The following PCDHA5 variants were observed in gnomAD, a reference collection of about 807,000 sequenced individuals.
PCDHA5 encodes protocadherin alpha-5.
PCDHA5 carries 43 observed loss-of-function variants against 61.6 expected under a neutral mutation model. The observed-to-expected ratio is 0.70, with a 90% CI of 0.55 to 0.90. The LOEUF is 0.90. PCDHA5 is among the 40% of genes least tolerant of loss of function. The pLI is 0.00. For missense variants in PCDHA5, 1,298 were observed against 1,222.7 expected (o/e 1.06, Z -0.92); for synonymous variants, 627 against 543.9 (o/e 1.15, Z -2.13).
chr5:140,879,100 T>C (rs2057854721), intron 1 of PCDHA5, among the ~76,000 whole-genome samples: 1 of 152,190 alleles, frequency 6.6e-6, no homozygotes, highest in African/African-American at 2.4e-5. Context: ...CTGCACAGTA[T>C]ATGGTGTAAT....
At chr5:140,848,935 C>G (rs1363080082) in intron 1 of PCDHA5, 1 of 1,607,474 alleles carries the variant, frequency 6.2e-7, no homozygotes, top group Non-Finnish European at 8.5e-7. Context: ...GAATCCAGGC[C>G]GCTTGACTCT....
rs140356413 is a variant in PCDHA5, at chr5:140,945,687, T to C, written c.2353-33262T>C. On this transcript the variant is annotated intron_variant, in intron 1 of 3. Transcript: ENST00000529859. ...CCCAGAAATAAATCCACACAGTTAC[T>C]GTCCACTGATTTGCAACAAAAGTAT... 6.6e-3 allele frequency among the ~76,000 whole-genome samples: 1,005 copies of C among 152,204 alleles called. 10 individuals carry two copies. The highest frequency in any genetic ancestry group is 0.023 in the African/African-American group (952 of 41,538).
intron 1 of PCDHA5, chr5:140,926,980 A>C: frequency 3.1e-6 from 5 of 1,610,364 alleles, no homozygotes; most frequent in Non-Finnish European, 4.2e-6. Flanking sequence ...GCCGGAGGAG[A>C]CGGAGCGGGG....
At chr5:140,896,071 A>G (rs551803461) in intron 1 of PCDHA5, among the ~76,000 whole-genome samples, 1 of 152,248 alleles carries the variant, frequency 6.6e-6, no homozygotes, top group African/African-American at 2.4e-5. Context: ...TCGGCCTCCC[A>G]ACATGCTGGG....
At chr5:140,882,633 A>G in intron 1 of PCDHA5, 1 of 1,614,220 alleles carries the variant, frequency 6.2e-7, no homozygotes, top group Non-Finnish European at 8.5e-7. Context: ...GTGGAGGTGA[A>G]GGTGAGGGAC....
rs2150130231 is a variant in PCDHA5, at chr5:140,823,910, T to G, written c.2135T>G (p.Leu712Arg). The change falls in exon 1 of 4, where the codon CTC (leucine) becomes CGC (arginine). Residue 712 changes from leucine to arginine, a missense_variant. By Grantham distance (102) the Leu-to-Arg change is moderately radical. Coordinates refer to ENST00000529859, the MANE Select transcript of PCDHA5 (RefSeq NM_018908.3). ...AICAVSSLLV[L>R]TLLLYTALRC... Reference sequence around the variant, plus strand: ...TGTGCGGTGTCCAGCCTGCTGGTGCTCACGCTGCTGCTGTACACCGCGCTG... The same window carrying G: ...TGTGCGGTGTCCAGCCTGCTGGTGCGCACGCTGCTGCTGTACACCGCGCTG... The G allele has an allele frequency of 2.2e-4, 363 of 1,613,972 alleles. No individual in the cohort carries two copies. The African/African-American group carries it at 4.2e-3, about 19-fold the overall frequency.
intron 1 of PCDHA5, chr5:140,969,258 A>G (rs782513796): frequency 9.3e-6 from 15 of 1,614,106 alleles, no homozygotes; most frequent in Admixed American, 8.3e-5. Context: ...GACAGCAGGA[A>G]TCTCACAGGC....
Position 140,823,508 on chromosome 5 carries a change from A to T in PCDHA5, c.1733A>T (p.Glu578Val). The T allele has an allele frequency of 6.2e-7, 1 of 1,613,314 alleles. No individual in the cohort carries two copies. ...RVGGTGGAVS[E>V]LVPRSVGAGH... ...GGTGGCACCGGCGGCGCAGTGAGCG[A>T]GCTGGTGCCGAGGTCAGTGGGTGCG... Residue 578 changes from glutamate (E) to valine (V), a missense_variant, in exon 1 of 4, where the codon GAG (glutamate) becomes GTG (valine). By Grantham distance (121) the Glu-to-Val change is moderately radical. Coordinates refer to ENST00000529859, the MANE Select transcript of PCDHA5 (RefSeq NM_018908.3).
chr5:140,870,302 T>A (rs782099481), intron 1 of PCDHA5: 9 of 1,614,020 alleles, frequency 5.6e-6, no homozygotes, highest in South Asian at 4.4e-5. Flanking sequence ...GTGTCCACCT[T>A]CAAGAATTAC....
rs2098421681 is a variant in PCDHA5, at chr5:141,011,735, A to C, written c.*1798A>C. 1 of 153,882 alleles carries C rather than the reference A, an allele frequency of 6.5e-6. No individual in the cohort carries two copies. Among genetic ancestry groups the C allele is most frequent in the South Asian group, 2.1e-4 (1 of 4,828 alleles). 9.5% of individuals were successfully genotyped at this position (153,882 alleles called of 1,614,324 possible). A position where few individuals can be genotyped will look rare whatever the true frequency, so the allele number is the denominator to read the frequency against. ...TATTCCATGAGGGTGTGCAAGCACA[A>C]ATTTTACCAATCTGACCTCTTTGAA... On this transcript the variant is annotated 3_prime_UTR_variant, in exon 4 of 4. Transcript: ENST00000529859.
chr5:140,916,584 G>T (rs1257440146), intron 1 of PCDHA5, among the ~76,000 whole-genome samples: 1 of 152,186 alleles, frequency 6.6e-6, no homozygotes, highest in Non-Finnish European at 1.5e-5. Flanking sequence ...TGTCATCCAT[G>T]AGCTAGGGCC....
chr5:140,882,577 C>T (rs370671644), intron 1 of PCDHA5: 45 of 1,614,120 alleles, frequency 2.8e-5, no homozygotes, highest in East Asian at 1.3e-4. Flanking sequence ...CGGAGTGCAG[C>T]ATCCACCTGG....
At chr5:140,898,664 G>C (rs1360946717) in intron 1 of PCDHA5, among the ~76,000 whole-genome samples, 1 of 152,190 alleles carries the variant, frequency 6.6e-6, no homozygotes, top group Non-Finnish European at 1.5e-5. Flanking sequence ...GATTGACTTG[G>C]TGTTGCGGGC....
chr5:140,994,141 C>T (rs782520855), intron 3 of PCDHA5, among the ~76,000 whole-genome samples: 1 of 152,256 alleles, frequency 6.6e-6, no homozygotes, highest in African/African-American at 2.4e-5. Context: ...TAATGCCCTA[C>T]GTAGGTAGGG....
chr5:140,884,577 T>G, intron 1 of PCDHA5: 1 of 1,614,230 alleles, frequency 6.2e-7, no homozygotes, highest in Non-Finnish European at 8.5e-7. Context: ...ACGGACCTCA[T>G]GGCCTTCAGT....
At chr5:140,969,309 A>G in intron 1 of PCDHA5, 2 of 1,614,212 alleles carry the variant, frequency 1.2e-6, no homozygotes, top group Non-Finnish European at 1.7e-6. Context: ...ATTCTCAAAA[A>G]TGAGGCTGTT....
chr5:140,829,710 C>T (rs1554132175), intron 1 of PCDHA5: 2 of 1,613,312 alleles, frequency 1.2e-6, no homozygotes, highest in African/African-American at 2.7e-5. Context: ...GCGCGCGACG[C>T]GGGCGTGCCG....
chr5:140,913,526 A>T (rs1171997127), intron 1 of PCDHA5, among the ~76,000 whole-genome samples: 1 of 151,968 alleles, frequency 6.6e-6, no homozygotes, highest in Non-Finnish European at 1.5e-5. Flanking sequence ...TTATCTTTTC[A>T]AAAGATTGAC....
At chr5:140,935,665 T>C (rs2090490152) in intron 1 of PCDHA5, among the ~76,000 whole-genome samples, 1 of 152,182 alleles carries the variant, frequency 6.6e-6, no homozygotes, top group Non-Finnish European at 1.5e-5. Context: ...TCTTTTATAA[T>C]TATGTGAAAT....
Sources: gnomAD v4.1 joint callset for allele counts (sites outside exome capture counted in the v4.1 genomes callset) on GRCh38, gnomAD v4.1.1 for gene constraint, MANE v1.5 for transcripts, NCBI Gene and HGNC (gene_info 2026-07-23, HGNC 2026-07-21) for gene names.